Variants in NXPE2 observed in about 807,000 individuals in gnomAD.
NXPE2 encodes the protein NXPE family member 2.
A neutral mutation model predicts 34.4 loss-of-function variants in NXPE2; 34 were observed. That is an observed-to-expected ratio of 0.99 (90% CI 0.75 to 1.31). The LOEUF (loss-of-function observed/expected upper bound fraction) is 1.31. NXPE2 is among the 40% of genes most tolerant of loss of function. The pLI, the probability that NXPE2 is intolerant of heterozygous loss-of-function variation, is 0.00. For synonymous variants in NXPE2, 235 were observed against 231.3 expected, an observed-to-expected ratio of 1.02 and a Z score of -0.15; for missense variants, 649 against 672.5, an observed-to-expected ratio of 0.97 and a Z score of 0.39.
the NXPE2 span, among the ~76,000 whole-genome samples, chr11:114,670,645 CTG>C: frequency 1.3e-5 from 2 of 151,860 alleles, no homozygotes; most frequent in Non-Finnish European, 2.9e-5. Context: ...TGAGATATGA[CTG>C]TACCACTGCA....
chr11:114,601,855 T>A, the NXPE2 span, among the ~76,000 whole-genome samples: 2 of 37,546 alleles, frequency 5.3e-5, no homozygotes, highest in Non-Finnish European at 8.2e-5. Flanking sequence ...ATAAAATATA[T>A]AATATACAAT....
At chr11:114,633,047 G>C in the NXPE2 span, among the ~76,000 whole-genome samples, 1 of 101,618 alleles carries the variant, frequency 9.8e-6, no homozygotes, top group Non-Finnish European at 1.8e-5. Context: ...TTATATAATT[G>C]CATTATTATT....
At chr11:114,468,810 G>A in the NXPE2 span, among the ~76,000 whole-genome samples, 3 of 152,086 alleles carry the variant, frequency 2.0e-5, no homozygotes, top group African/African-American at 7.2e-5. Flanking sequence ...CATTTTTCAG[G>A]TAAGGAAATG....
downstream of NXPE2, among the ~76,000 whole-genome samples, chr11:114,708,888 G>A (rs1859555143): frequency 6.6e-6 from 1 of 152,062 alleles, no homozygotes; most frequent in South Asian, 2.1e-4. Context: ...CTTCAACCTG[G>A]TTCTGACATG....
At chr11:114,806,768 C>G in the NXPE2 span, among the ~76,000 whole-genome samples, 2 of 151,798 alleles carry the variant, frequency 1.3e-5, no homozygotes, top group Non-Finnish European at 2.9e-5. Context: ...AAACACTCTG[C>G]AGGATATTAT....
chr11:114,718,760 A>T, the NXPE2 span, among the ~76,000 whole-genome samples: 1 of 152,208 alleles, frequency 6.6e-6, no homozygotes, highest in Admixed American at 6.5e-5. Flanking sequence ...TGATGTGTGT[A>T]TGTTTGAGGC....
the NXPE2 span, among the ~76,000 whole-genome samples, chr11:114,717,286 C>T: frequency 1.3e-5 from 2 of 152,300 alleles, no homozygotes; most frequent in African/African-American, 4.8e-5. Context: ...AGAACCAGCT[C>T]TCTGGACGTA....
At chr11:114,662,579 T>G in the NXPE2 span, among the ~76,000 whole-genome samples, 2 of 151,794 alleles carry the variant, frequency 1.3e-5, no homozygotes, top group Admixed American at 1.3e-4. Context: ...GCTAAGGGAG[T>G]GCTGGCATCA....
chr11:114,716,255 T>A, the NXPE2 span, among the ~76,000 whole-genome samples: 1 of 152,202 alleles, frequency 6.6e-6, no homozygotes, highest in Non-Finnish European at 1.5e-5. Flanking sequence ...ATCAGCAGCC[T>A]GATTACCTGG....
chr11:114,704,558 TG>T (rs1298365821), intron 4 of NXPE2, among the ~76,000 whole-genome samples: 2 of 152,210 alleles, frequency 1.3e-5, no homozygotes, highest in East Asian at 3.8e-4. Flanking sequence ...CTCATAGAAG[TG>T]ATGATTCTGC....
At chr11:114,670,880 C>T in the NXPE2 span, among the ~76,000 whole-genome samples, 2 of 151,292 alleles carry the variant, frequency 1.3e-5, no homozygotes, top group South Asian at 4.2e-4. Context: ...CAATGGAAAC[C>T]GCCTCTGAGA....
At chr11:114,608,728 T>A in the NXPE2 span, among the ~76,000 whole-genome samples, 4 of 151,818 alleles carry the variant, frequency 2.6e-5, no homozygotes, top group South Asian at 8.3e-4. Flanking sequence ...TACTGCCTCG[T>A]GGGTAACCAC....
the NXPE2 span, among the ~76,000 whole-genome samples, chr11:114,632,157 T>G: frequency 7.0e-6 from 1 of 142,934 alleles, no homozygotes; most frequent in Non-Finnish European, 1.5e-5. Context: ...ATGTTATAAA[T>G]AAAATTTATC....
chr11:114,688,434 G>A (rs556983755), intron 2 of NXPE2, among the ~76,000 whole-genome samples: 1 of 152,044 alleles, frequency 6.6e-6, no homozygotes, highest in African/African-American at 2.4e-5. Context: ...CTGGAATAAA[G>A]CCCACTTAAT....
At chr11:114,591,789 C>T in the NXPE2 span, among the ~76,000 whole-genome samples, 1 of 152,140 alleles carries the variant, frequency 6.6e-6, no homozygotes, top group East Asian at 1.9e-4. Flanking sequence ...AAGTAGTGGC[C>T]TACAAATCTG....
At chr11:114,666,597 T>C in the NXPE2 span, among the ~76,000 whole-genome samples, 3 of 152,176 alleles carry the variant, frequency 2.0e-5, no homozygotes, top group African/African-American at 4.8e-5. Flanking sequence ...GTTCTATCTG[T>C]TGATTAATAG....
chr11:114,558,805 A>G, the NXPE2 span, among the ~76,000 whole-genome samples: 2 of 152,210 alleles, frequency 1.3e-5, no homozygotes, highest in Non-Finnish European at 2.9e-5. Flanking sequence ...TCTATGCCCT[A>G]TGTCCAAGCA....
At chr11:114,555,541 T>C in the NXPE2 span, among the ~76,000 whole-genome samples, 585 of 152,296 alleles carry the variant, frequency 3.8e-3, 6 homozygotes, top group African/African-American at 0.013. Context: ...ACATGCATTT[T>C]AAGTGCACTG....
the NXPE2 span, among the ~76,000 whole-genome samples, chr11:114,733,254 C>G: frequency 6.6e-5 from 10 of 152,072 alleles, no homozygotes; most frequent in Admixed American, 3.9e-4. Context: ...CCAACACGCC[C>G]GGCTAATTTT....
Sources: gnomAD v4.1 joint callset for allele counts (sites outside exome capture counted in the v4.1 genomes callset) on GRCh38, gnomAD v4.1.1 for gene constraint, MANE v1.5 for transcripts, NCBI Gene and HGNC (gene_info 2026-07-23, HGNC 2026-07-21) for gene names.